SBNO1: variants seen among roughly 807,000 people sequenced by gnomAD.
SBNO1 encodes protein strawberry notch homolog 1.
Under a neutral mutation model 173.6 loss-of-function variants are expected in SBNO1, and 23 were observed. The observed-to-expected ratio is 0.13, with a 90% CI of 0.10 to 0.19. SBNO1 has a LOEUF of 0.19. Ranked by LOEUF, SBNO1 falls within the 10% of genes least tolerant of loss-of-function variation. The probability of loss-of-function intolerance (pLI) is 1.00; values close to 1 mark genes in which losing one functional copy is unlikely to be tolerated. For missense variants in SBNO1, 1,238 were observed against 1,671.2 expected (o/e 0.74, Z 4.52); for synonymous variants, 632 against 571.5 (o/e 1.11, Z -1.51).
chr12:123,310,996 A>G (rs1868418546), intron 25 of SBNO1, 59 bp downstream of exon 25: 1 of 1,247,030 alleles, frequency 8.0e-7, no homozygotes, highest in South Asian at 1.2e-5. Context: ...AGCATATATC[A>G]TAATGGACTT....
At position 123,320,118 on chromosome 12, in the gene SBNO1, G is replaced by A. The variant is rs909657541; in HGVS notation, c.2668-87C>T. On this transcript the variant is annotated intron_variant, in intron 19 of 31. Coordinates refer to ENST00000602398, the MANE Select transcript of SBNO1 (RefSeq NM_001167856.3). ...CCTCTTTCCTTGAAGACACTTGGGA[G>A]ATAAGAGCACAGGCTGTGCTGCACC... is the stretch of plus-strand genomic sequence containing the variant. The A allele has an allele frequency of 2.8e-6, 4 of 1,445,028 alleles. No homozygotes were observed. In the African/African-American group the frequency reaches 5.6e-5, roughly 20 times the overall value. 89.5% of individuals were successfully genotyped at this position (1,445,028 alleles called of 1,614,324 possible).
At chr12:123,322,877 G>A (rs1271135706) in intron 16 of SBNO1, among the ~76,000 whole-genome samples, 3 of 146,056 alleles carry the variant, frequency 2.1e-5, no homozygotes, top group African/African-American at 7.6e-5. Flanking sequence ...CGGAGACCCT[G>A]TCTCAAAAAA....
rs894968673 is a variant in SBNO1 at position 123,341,495 on chromosome 12, A to G, written c.551-407T>C. Among the ~76,000 whole-genome samples the G allele has an allele frequency of 5.9e-5, 9 of 152,260 alleles. No homozygotes were observed. In the East Asian group the frequency reaches 1.2e-3, roughly 20 times the overall value. On this transcript the variant is annotated intron_variant, in intron 4 of 31. Coordinates refer to ENST00000602398, the MANE Select transcript of SBNO1 (RefSeq NM_001167856.3). ...AGAAGTTTACATATTTCAAAAACCAAAGAATGTCAATCTGCCTATAACTAA... is the reference window on the plus strand; with the variant it reads ...AGAAGTTTACATATTTCAAAAACCAGAGAATGTCAATCTGCCTATAACTAA...
At chr12:123,297,754 C>G (rs2048657719) in intron 31 of SBNO1, among the ~76,000 whole-genome samples, 1 of 152,110 alleles carries the variant, frequency 6.6e-6, no homozygotes, top group Admixed American at 6.6e-5. Flanking sequence ...CAGCTGAGAG[C>G]AGCATCAAAG....
chr12:123,313,989 CAGG>C (rs1214707104), intron 23 of SBNO1, among the ~76,000 whole-genome samples: 1 of 151,584 alleles, frequency 6.6e-6, no homozygotes, highest in African/African-American at 2.4e-5. Flanking sequence ...AAGGCTGAGG[CAGG>C]AGAATTGCTT....
chr12:123,330,744 T>C (rs984940343), intron 8 of SBNO1, among the ~76,000 whole-genome samples: 1 of 152,008 alleles, frequency 6.6e-6, no homozygotes, highest in Non-Finnish European at 1.5e-5. Context: ...GAGACCAGCC[T>C]GAGCAACACA....
chr12:123,363,118 G>C (rs906431656), intron 1 of SBNO1, among the ~76,000 whole-genome samples: 1 of 151,834 alleles, frequency 6.6e-6, no homozygotes, highest in Non-Finnish European at 1.5e-5. Context: ...TATTCCAAAC[G>C]CAATTATATG....
chr12:123,325,867 A>C (rs1870554673), intron 14 of SBNO1, among the ~76,000 whole-genome samples: 1 of 152,176 alleles, frequency 6.6e-6, no homozygotes, highest in African/African-American at 2.4e-5. Context: ...CTTTAAGTAG[A>C]TAAATATTCA....
intron 21 of SBNO1, among the ~76,000 whole-genome samples, chr12:123,316,203 G>C (rs775670933): frequency 1.3e-5 from 2 of 152,004 alleles, no homozygotes; most frequent in Non-Finnish European, 2.9e-5. Flanking sequence ...CTGAGATTTC[G>C]AGATAAGATA....
rs2048529450 is a variant in SBNO1, at chr12:123,292,714, A to AAAAAAAT, written c.*3193_*3194insATTTTTT. The AAAAAAAT allele has an allele frequency of 6.6e-6, 1 of 152,176 alleles. No individual in the cohort carries two copies. Among genetic ancestry groups the AAAAAAAT allele is most frequent in the African/African-American group, 2.4e-5 (1 of 41,422 alleles). 9.4% of individuals were successfully genotyped at this position (152,176 alleles called of 1,614,324 possible). A position where few individuals can be genotyped will look rare whatever the true frequency, so the allele number is the denominator to read the frequency against. Reference sequence around the variant, plus strand: ...GCTGAGTTAGAATAAATATATATAGATACATACACACACTACATTGCTTTG... The same window carrying AAAAAAAT: ...GCTGAGTTAGAATAAATATATATAGAAAAAAATTACATACACACACTACATTGCTTTG... On this transcript the variant is annotated 3_prime_UTR_variant, in exon 32 of 32. Transcript: ENST00000602398.
In SBNO1 at chr12:123,364,838, T is replaced by G; in HGVS notation, c.-138A>C. 1.1e-6 allele frequency: 1 copy of G among 941,486 alleles called. No homozygotes were observed. The highest frequency in any genetic ancestry group is 1.3e-6 in the Non-Finnish European group (1 of 790,436). 58.3% of individuals were successfully genotyped at this position (941,486 alleles called of 1,614,324 possible). ...TCTGCCTACCTCCCCGCCGCCATCT[T>G]GACGCCCCTCCCCCAGCCCCCCCGC... On this transcript the variant is annotated 5_prime_UTR_variant, in exon 1 of 32. Transcript: ENST00000602398.
chr12:123,303,273 A>C (rs2048838674), intron 29 of SBNO1, among the ~76,000 whole-genome samples: 1 of 152,350 alleles, frequency 6.6e-6, no homozygotes, highest in African/African-American at 2.4e-5. Context: ...ACTAAGAGGT[A>C]GTGAGAAGGG....
intron 21 of SBNO1, 25 bp downstream of exon 21, chr12:123,317,196 T>A: frequency 6.2e-7 from 1 of 1,612,692 alleles, no homozygotes; most frequent in Non-Finnish European, 8.5e-7. Context: ...ATCCATTAAG[T>A]GAAATCCAGT....
intron 24 of SBNO1, among the ~76,000 whole-genome samples, chr12:123,312,845 CCAAT>C (rs1868758104): frequency 6.6e-6 from 1 of 152,112 alleles, no homozygotes; most frequent in African/African-American, 2.4e-5. Context: ...CCCACCCCAA[CCAAT>C]CAATCCTCAC....
At chr12:123,320,904 T>A (rs1869879946) in intron 17 of SBNO1, 38 bp from the exon 18 acceptor site, 2 of 1,426,924 alleles carry the variant, frequency 1.4e-6, no homozygotes, top group Non-Finnish European at 9.5e-7. Context: ...AATCATTTGT[T>A]AAAACAAGTA....
In SBNO1 at chr12:123,321,762, C is replaced by T. The variant is rs781542840; in HGVS notation, c.2126-30G>A. 1.2e-5 allele frequency: 19 copies of T among 1,571,658 alleles called. No homozygotes were observed. In the South Asian group the frequency reaches 1.9e-4, roughly 16 times the overall value. On this transcript the variant is annotated intron_variant, in intron 16 of 31. Coordinates refer to ENST00000602398, the MANE Select transcript of SBNO1 (RefSeq NM_001167856.3). The stretch of plus-strand genomic sequence containing the variant: ...CCTCCGCCACAAACAAGAGAGTCAG[C>T]CCAAATTCAATGTTTCTTAAGATCC...
chr12:123,317,300 C>T lies in SBNO1; in HGVS notation c.2856G>A (p.Arg952=). ...CTCTTCGCCTTTGATTTTTAGCTCT[C>T]CTATCTGCTTGTAATGAAATACCCG... ...ASSGISLQAD[R]RAKNQRRRVH... Residue 952 remains arginine (R), a synonymous_variant, in exon 21 of 32, where the codon AGG becomes AGA. Transcript: ENST00000602398. 1 of 1,613,956 alleles carries T rather than the reference C, an allele frequency of 6.2e-7. No individual in the cohort carries two copies. Among genetic ancestry groups the T allele is most frequent in the Non-Finnish European group, 8.5e-7 (1 of 1,179,872 alleles).
In SBNO1 at chr12:123,311,724, A is replaced by ATCTATCTATC. The variant is rs1354447042; in HGVS notation, c.3221-596_3221-595insGATAGATAGA. On this transcript the variant is annotated intron_variant, in intron 24 of 31. Coordinates refer to ENST00000602398, the MANE Select transcript of SBNO1 (RefSeq NM_001167856.3). ...TCTATCTATCTATCTATCTATCTAT[A>ATCTATCTATC]TATATATATATATATATATATATAT... Among the ~76,000 whole-genome samples, 350 of 62,928 alleles carry ATCTATCTATC rather than the reference A, an allele frequency of 5.6e-3. 1 individual carries two copies. Among genetic ancestry groups the ATCTATCTATC allele is most frequent in the East Asian group, 0.016 (34 of 2,104 alleles). 41.3% of individuals were successfully genotyped at this position (62,928 alleles called of 152,430 possible). A position where few individuals can be genotyped will look rare whatever the true frequency, so the allele number is the denominator to read the frequency against.
chr12:123,336,775 T>G (rs150708652), intron 5 of SBNO1, among the ~76,000 whole-genome samples: 43 of 152,310 alleles, frequency 2.8e-4, no homozygotes, highest in African/African-American at 9.9e-4. Context: ...CCTTCAATAC[T>G]GCCTATCACC....
Sources: allele counts gnomAD v4.1 joint callset (sites outside exome capture counted in the v4.1 genomes callset), GRCh38; gene constraint gnomAD v4.1.1; transcripts MANE v1.5; gene names NCBI Gene and HGNC (gene_info 2026-07-23, HGNC 2026-07-21).